Variants in AKNA observed in about 807,000 individuals in gnomAD.
AKNA encodes the protein AT-hook transcription factor.
AKNA carries 67 observed loss-of-function variants against 138.8 expected under a neutral mutation model. The observed-to-expected ratio is 0.48, with a 90% confidence interval of 0.40 to 0.59. AKNA has a LOEUF of 0.59. Among genes scored for constraint, AKNA ranks in the 20% least tolerant of loss-of-function variants. The pLI, the probability that AKNA is intolerant of heterozygous loss-of-function variation, is 0.00. For synonymous variants in AKNA, 737 were observed against 754.4 expected, an observed-to-expected ratio of 0.98 and a Z score of 0.38; for missense variants, 1,813 against 1,880.4, an observed-to-expected ratio of 0.96 and a Z score of 0.66.
In AKNA at chr9:114,350,543, A is replaced by C. The variant is rs925885075; in HGVS notation, c.3221+316T>G. Among the ~76,000 whole-genome samples, 9 of 152,262 alleles carry C rather than the reference A, an allele frequency of 5.9e-5. No homozygotes were observed. In the South Asian group the frequency reaches 1.4e-3, roughly 24 times the overall value. Reference sequence around the variant, plus strand: ...TCCATACAATCAATGGTCAAATTGCAGAAAAGATAGCCCTAGAAAGGACAG... The same window carrying C: ...TCCATACAATCAATGGTCAAATTGCCGAAAAGATAGCCCTAGAAAGGACAG... On this transcript the variant is annotated intron_variant, in intron 15 of 21. Transcript: ENST00000374088.
In AKNA at chr9:114,393,889, C is replaced by T. The variant is rs192406271; in HGVS notation, c.-114+468G>A. 8.7e-4 allele frequency among the ~76,000 whole-genome samples: 132 copies of T among 152,178 alleles called. 1 individual carries two copies. The highest frequency in any genetic ancestry group is 5.0e-3 in the South Asian group (24 of 4,828). On this transcript the variant is annotated intron_variant, in intron 1 of 21. Transcript: ENST00000307564. ...AAGACATGCTTTAAAATGTTTACAA[C>T]AGGCCATGCGCCGTGGCTCACACCT...
At position 114,377,179 on chromosome 9, in the gene AKNA, G is replaced by A; in HGVS notation, c.628C>T (p.His210Tyr). 2 of 1,614,186 alleles carry A rather than the reference G, an allele frequency of 1.2e-6. No individual in the cohort carries two copies. The highest frequency in any genetic ancestry group is 2.2e-5 in the East Asian group (1 of 44,878). The change falls in exon 3 of 22, where the codon CAC becomes TAC. Residue 210 changes from histidine (H) to tyrosine (Y), a missense_variant. His to Tyr is a moderately conservative substitution (Grantham distance 83, BLOSUM62 2). Transcript: ENST00000374088. ...SWSSGTVSLDHPSDSLDSTWE... is the reference protein window; with the variant it reads ...SWSSGTVSLDYPSDSLDSTWE... Reference sequence around the variant, plus strand: ...GTAGAATCAAGGCTGTCACTAGGGTGGTCGAGGCTCACTGTCCCACTGCTC... The same window carrying A: ...GTAGAATCAAGGCTGTCACTAGGGTAGTCGAGGCTCACTGTCCCACTGCTC...
At chr9:114,386,423 T>C (rs1834036081) in intron 1 of AKNA, among the ~76,000 whole-genome samples, 1 of 152,156 alleles carries the variant, frequency 6.6e-6, no homozygotes, top group African/African-American at 2.4e-5. Flanking sequence ...AAGTATGGCC[T>C]GACCTTGAAG....
At chr9:114,354,891 CAG>C (rs983939093) in intron 14 of AKNA, among the ~76,000 whole-genome samples, 4 of 131,206 alleles carry the variant, frequency 3.0e-5, no homozygotes, top group African/African-American at 9.5e-5. Context: ...TTTTTTGAGA[CAG>C]AGTCTTGCTC....
At chr9:114,354,094 T>G (rs1255352276) in intron 14 of AKNA, among the ~76,000 whole-genome samples, 3 of 152,268 alleles carry the variant, frequency 2.0e-5, no homozygotes, top group Non-Finnish European at 4.4e-5. Context: ...TTTAACCTTT[T>G]GACTCTTTTG....
At chr9:114,333,058 C>T, downstream of AKNA, 1 of 1,580,540 alleles carries the variant, frequency 6.3e-7, no homozygotes, top group Non-Finnish European at 8.6e-7. Flanking sequence ...CAATTCCCCG[C>T]TGCCTTCTAG....
At chr9:114,356,772 C>T in intron 13 of AKNA, 91 bp downstream of exon 13, 7 of 1,123,580 alleles carry the variant, frequency 6.2e-6, no homozygotes, top group Non-Finnish European at 7.5e-6. Context: ...ACAGACCATC[C>T]TCTCTTATTC....
intron 1 of AKNA, among the ~76,000 whole-genome samples, chr9:114,382,123 C>T (rs532594151): frequency 4.6e-5 from 7 of 152,204 alleles, no homozygotes; most frequent in South Asian, 2.1e-4. Context: ...AGGAAGCAGA[C>T]GATCACCAGG....
upstream of AKNA, among the ~76,000 whole-genome samples, chr9:114,394,751 T>G (rs1834476385): frequency 6.6e-6 from 1 of 152,224 alleles, no homozygotes; most frequent in Non-Finnish European, 1.5e-5. Context: ...TAAGGCACAG[T>G]TGGGTCTGTA....
chr9:114,339,718 G>C (rs1253182681), intron 21 of AKNA, among the ~76,000 whole-genome samples: 1 of 152,248 alleles, frequency 6.6e-6, no homozygotes, highest in Non-Finnish European at 1.5e-5. Flanking sequence ...CTGGAGGTCT[G>C]AGCATGCAGC....
intron 4 of AKNA, among the ~76,000 whole-genome samples, chr9:114,371,329 T>C (rs1195062823): frequency 6.6e-6 from 1 of 152,256 alleles, no homozygotes; most frequent in Non-Finnish European, 1.5e-5. Context: ...TGAATGATCT[T>C]GGTCAAGTTA....
intron 7 of AKNA, among the ~76,000 whole-genome samples, chr9:114,363,091 TGA>T (rs1386486934): frequency 2.0e-5 from 3 of 152,230 alleles, no homozygotes; most frequent in African/African-American, 4.8e-5. Context: ...ATAATCATAA[TGA>T]GAGGGGTGAT....
At chr9:114,349,242 G>A (rs777659424) in intron 15 of AKNA, among the ~76,000 whole-genome samples, 1 of 152,158 alleles carries the variant, frequency 6.6e-6, no homozygotes, top group Admixed American at 6.5e-5. Flanking sequence ...CAGTCTCTCT[G>A]ATGTAACTCT....
chr9:114,387,357 C>T (rs1161345782), intron 1 of AKNA, among the ~76,000 whole-genome samples: 2 of 152,248 alleles, frequency 1.3e-5, no homozygotes, highest in Non-Finnish European at 2.9e-5. Flanking sequence ...CTGTTGCCAG[C>T]TCTGGTCTTG....
chr9:114,331,632 T>C (rs373599693), downstream of AKNA: 3 of 1,613,866 alleles, frequency 1.9e-6, no homozygotes, highest in Non-Finnish European at 2.5e-6. Flanking sequence ...GATGTTTGGT[T>C]CCTACCTGGA....
chr9:114,341,849 A>T, intron 20 of AKNA, 124 bp from the exon 21 acceptor site: 1 of 1,327,876 alleles, frequency 7.5e-7, no homozygotes, highest in Non-Finnish European at 1.1e-6. Context: ...GTGAGACTCC[A>T]TGTCGGGGAG....
chr9:114,362,600 A>C (rs1243449338), intron 7 of AKNA, 67 bp from the exon 8 acceptor site: 48 of 1,547,080 alleles, frequency 3.1e-5, no homozygotes, highest in Non-Finnish European at 4.2e-5. Flanking sequence ...CTGAAGACAC[A>C]GTGGATGAGA....
chr9:114,376,979 G>A lies in AKNA; in HGVS notation c.828C>T (p.Ala276=). The part of the protein sequence containing the change: ...SAPPAQSPQH[A]TDRWRRETTR... ...TCGTTTCTCTCCTCCATCTATCTGT[G>A]GCATGCTGCGGACTCTGGGCTGGGG... Residue 276 remains alanine, a synonymous_variant, in exon 3 of 22, where the codon GCC becomes GCT. Coordinates refer to ENST00000374088, the MANE Select transcript of AKNA (RefSeq NM_001317950.2). 6.2e-7 allele frequency: 1 copy of A among 1,614,176 alleles called. No individual in the cohort carries two copies. The highest frequency in any genetic ancestry group is 8.5e-7 in the Non-Finnish European group (1 of 1,180,018).
At position 114,376,982 on chromosome 9, in the gene AKNA, A is replaced by G. The variant is rs1406598972; in HGVS notation, c.825T>C (p.His275=). 1 of 1,614,174 alleles carries G rather than the reference A, an allele frequency of 6.2e-7. No homozygotes were observed. Among genetic ancestry groups the G allele is most frequent in the East Asian group, 2.2e-5 (1 of 44,870 alleles). The part of the protein sequence containing the change: ...SSAPPAQSPQ[H]ATDRWRRETT... Reference sequence around the variant, plus strand: ...TTTCTCTCCTCCATCTATCTGTGGCATGCTGCGGACTCTGGGCTGGGGGAG... The same window carrying G: ...TTTCTCTCCTCCATCTATCTGTGGCGTGCTGCGGACTCTGGGCTGGGGGAG... Residue 275 remains histidine, a synonymous_variant, in exon 3 of 22, where the codon CAT becomes CAC. Coordinates refer to ENST00000374088, the MANE Select transcript of AKNA (RefSeq NM_001317950.2).
Sources: gnomAD v4.1 joint callset for allele counts (sites outside exome capture counted in the v4.1 genomes callset) on GRCh38, gnomAD v4.1.1 for gene constraint, MANE v1.5 for transcripts, NCBI Gene and HGNC (gene_info 2026-07-23, HGNC 2026-07-21) for gene names.